The following RAB27B variants were observed in gnomAD, a reference collection of about 807,000 sequenced individuals.
RAB27B encodes the protein RAB27B, member RAS oncogene family.
RAB27B carries 15 observed loss-of-function variants against 24.6 expected under a neutral mutation model. The observed-to-expected ratio is 0.61, with a 90% CI of 0.41 to 0.94. The LOEUF is 0.94. Among genes scored for constraint, RAB27B ranks in the 40% least tolerant of loss-of-function variants. The probability of loss-of-function intolerance (pLI) is 0.00; values close to 1 mark genes in which losing one functional copy is unlikely to be tolerated. For missense variants in RAB27B, 261 were observed against 266.8 expected (o/e 0.98, Z 0.15); for synonymous variants, 105 against 92.5 (o/e 1.14, Z -0.78).
intron 2 of RAB27B, among the ~76,000 whole-genome samples, chr18:54,738,284 T>C (rs187806038): frequency 6.6e-6 from 1 of 152,364 alleles, no homozygotes; most frequent in Non-Finnish European, 1.5e-5. Flanking sequence ...CCCATTGATA[T>C]GGTTGGGCTC....
At chr18:54,865,255 G>GTA (rs1049544721) in intron 1 of RAB27B, among the ~76,000 whole-genome samples, 19 of 151,564 alleles carry the variant, frequency 1.3e-4, no homozygotes, top group Admixed American at 8.5e-4. Context: ...GTGTGTGTGT[G>GTA]TGTGTGTGTG....
chr18:54,789,863 T>C (rs984929733), intron 2 of RAB27B, among the ~76,000 whole-genome samples: 1 of 152,130 alleles, frequency 6.6e-6, no homozygotes, highest in African/African-American at 2.4e-5. Flanking sequence ...CCTATCCCAG[T>C]GCATTCTACA....
rs1025448030 is a variant in RAB27B, at chr18:54,892,583, A to T, written c.*3170A>T. On this transcript the variant is annotated 3_prime_UTR_variant, in exon 6 of 6. Transcript: ENST00000262094. ...ATGTATCTAAAATAATCCAGAGAAC[A>T]TAATGTTTGTCTTGGTCTGATAATG... The T allele has an allele frequency of 6.6e-6, 1 of 152,092 alleles. No homozygotes were observed. The highest frequency in any genetic ancestry group is 2.1e-4 in the South Asian group (1 of 4,830). 9.4% of individuals were successfully genotyped at this position (152,092 alleles called of 1,614,324 possible).
chr18:54,868,976 T>A (rs1376931649), intron 1 of RAB27B, among the ~76,000 whole-genome samples: 1 of 152,178 alleles, frequency 6.6e-6, no homozygotes, highest in Admixed American at 6.5e-5. Flanking sequence ...AGCAAATTTG[T>A]GTAGTACTGT....
In RAB27B at chr18:54,829,105, T is replaced by C. The variant is rs534794316; in HGVS notation, c.-20+405T>C. 3.3e-5 allele frequency among the ~76,000 whole-genome samples: 5 copies of C among 152,364 alleles called. No individual in the cohort carries two copies. In the East Asian group the frequency reaches 7.7e-4, roughly 23 times the overall value. ...TTTCATTCCAGGAGGAGCGACTTAG[T>C]GAGGCAAGCCAGGAGAGCAATAAGA... On this transcript the variant is annotated intron_variant, in intron 1 of 5. Transcript: ENST00000262094.
intron 2 of RAB27B, among the ~76,000 whole-genome samples, chr18:54,723,385 A>G (rs1023234971): frequency 6.6e-6 from 1 of 152,082 alleles, no homozygotes; most frequent in African/African-American, 2.4e-5. Context: ...TCAGGTAGTT[A>G]TTTTGTCATT....
At chr18:54,848,178 T>G (rs901615108) in intron 1 of RAB27B, among the ~76,000 whole-genome samples, 26 of 152,242 alleles carry the variant, frequency 1.7e-4, no homozygotes, top group African/African-American at 5.8e-4. Context: ...TAGTTCATGA[T>G]GTACAGAGAA....
At chr18:54,840,932 A>G (rs979776291) in intron 1 of RAB27B, among the ~76,000 whole-genome samples, 4 of 152,092 alleles carry the variant, frequency 2.6e-5, no homozygotes, top group Non-Finnish European at 5.9e-5. Flanking sequence ...GCGGATCATG[A>G]GGTCAGGAGT....
At chr18:54,723,942 A>G (rs1909443290) in intron 2 of RAB27B, among the ~76,000 whole-genome samples, 2 of 152,242 alleles carry the variant, frequency 1.3e-5, no homozygotes, top group Non-Finnish European at 2.9e-5. Context: ...TCATGTAAAT[A>G]TTTATTTGCA....
In RAB27B at chr18:54,894,352, C is replaced by A. The variant is rs1303708777; in HGVS notation, c.*4939C>A. On this transcript the variant is annotated 3_prime_UTR_variant, in exon 6 of 6. Transcript: ENST00000262094. ...TGTGGAAGTAATGGCTAACATCCTT[C>A]AGCTGACTTTGTCTACAAGGATTAT... 1 of 152,014 alleles carries A rather than the reference C, an allele frequency of 6.6e-6. No homozygotes were observed. The highest frequency in any genetic ancestry group is 1.5e-5 in the Non-Finnish European group (1 of 67,934). The allele number at this position is 152,014 out of a possible 1,614,324, so 9.4% of individuals were successfully genotyped here.
At chr18:54,787,204 C>T (rs990867923) in intron 2 of RAB27B, among the ~76,000 whole-genome samples, 1 of 152,172 alleles carries the variant, frequency 6.6e-6, no homozygotes, top group African/African-American at 2.4e-5. Flanking sequence ...TGTAGAGGTA[C>T]CAGCTGCCAG....
intron 2 of RAB27B, among the ~76,000 whole-genome samples, chr18:54,755,186 T>A (rs1305170387): frequency 6.6e-6 from 1 of 152,016 alleles, no homozygotes; most frequent in Non-Finnish European, 1.5e-5. Context: ...GGTCAGGAGT[T>A]CAAGACCAGC....
chr18:54,724,710 CA>C (rs1909475471), intron 2 of RAB27B, among the ~76,000 whole-genome samples: 1 of 151,284 alleles, frequency 6.6e-6, no homozygotes, highest in Non-Finnish European at 1.5e-5. Flanking sequence ...AACAAACAAA[CA>C]AACAAAAACC....
intron 2 of RAB27B, among the ~76,000 whole-genome samples, chr18:54,771,787 T>C (rs576936603): frequency 6.6e-6 from 1 of 152,270 alleles, no homozygotes; most frequent in Non-Finnish European, 1.5e-5. Context: ...AGGAGAAATC[T>C]TCACTCAGTT....
intron 1 of RAB27B, among the ~76,000 whole-genome samples, chr18:54,850,133 A>T (rs915056270): frequency 1.4e-4 from 21 of 151,834 alleles, no homozygotes; most frequent in Non-Finnish European, 1.6e-4. Flanking sequence ...AAAAATAAAC[A>T]AACTGGGCTC....
intron 1 of RAB27B, among the ~76,000 whole-genome samples, chr18:54,853,679 C>T (rs1429698542): frequency 6.6e-6 from 1 of 152,158 alleles, no homozygotes; most frequent in Non-Finnish European, 1.5e-5. Flanking sequence ...ATCATGCATG[C>T]TTTACATACA....
At chr18:54,812,808 A>G (rs1443617917) in intron 2 of RAB27B, among the ~76,000 whole-genome samples, 1 of 152,212 alleles carries the variant, frequency 6.6e-6, no homozygotes, top group East Asian at 1.9e-4. Flanking sequence ...AATATATACA[A>G]GCACACATAT....
chr18:54,747,832 G>A (rs1222491037), intron 2 of RAB27B, among the ~76,000 whole-genome samples: 2 of 152,286 alleles, frequency 1.3e-5, no homozygotes, highest in East Asian at 3.9e-4. Flanking sequence ...TCTCGGCTGG[G>A]CTTGGTGGCT....
rs1363263894 is a variant in RAB27B at position 54,828,679 on chromosome 18, G to C, written c.-41G>C. The C allele has an allele frequency of 6.6e-6, 1 of 152,288 alleles. No homozygotes were observed. The highest frequency in any genetic ancestry group is 1.5e-5 in the Non-Finnish European group (1 of 68,098). 9.4% of individuals were successfully genotyped at this position (152,288 alleles called of 1,614,324 possible). A position where few individuals can be genotyped will look rare whatever the true frequency, so the allele number is the denominator to read the frequency against. On this transcript the variant is annotated 5_prime_UTR_variant, in exon 1 of 6. Coordinates refer to ENST00000262094, the MANE Select transcript of RAB27B (RefSeq NM_004163.4). ...TCTGAAATCTGACACCTGCTCTCCC[G>C]GCAAGGAAACTTCGCAGGCTGGTGA...
Sources: gnomAD v4.1 joint callset for allele counts (sites outside exome capture counted in the v4.1 genomes callset) on GRCh38, gnomAD v4.1.1 for gene constraint, MANE v1.5 for transcripts, NCBI Gene and HGNC (gene_info 2026-07-23, HGNC 2026-07-21) for gene names.